SURF4: variants seen among roughly 807,000 people sequenced by gnomAD.
SURF4 encodes the protein surfeit locus protein 4.
SURF4 carries 3 observed loss-of-function variants against 30.0 expected under a neutral mutation model. The ratio of observed to expected loss-of-function variants is 0.10; its 90% CI spans 0.05 to 0.26. The LOEUF (loss-of-function observed/expected upper bound fraction) is 0.26. Ranked by LOEUF, SURF4 falls within the 10% of genes least tolerant of loss-of-function variation. SURF4 has a pLI of 1.00. For synonymous variants in SURF4, 143 were observed against 139.9 expected, an observed-to-expected ratio of 1.02 and a Z score of -0.16; for missense variants, 217 against 350.8, an observed-to-expected ratio of 0.62 and a Z score of 3.05.
At chr9:133,364,677 C>A (rs28410930) in intron 5 of SURF4, among the ~76,000 whole-genome samples, 163 bp downstream of exon 5, 1 of 141,092 alleles carries the variant, frequency 7.1e-6, no homozygotes, top group Non-Finnish European at 1.5e-5. Context: ...GGGGACAGAG[C>A]GAGACTCCGT....
chr9:133,371,597 C>G (rs1160292712), intron 1 of SURF4, among the ~76,000 whole-genome samples: 1 of 152,360 alleles, frequency 6.6e-6, no homozygotes, highest in East Asian at 1.9e-4. Flanking sequence ...CCGCACTCCC[C>G]TGAAGAGTGA....
chr9:133,372,211 G>A lies in SURF4; in HGVS notation c.48+3711C>T, dbSNP rs140978600. On this transcript the variant is annotated intron_variant, in intron 1 of 5. Transcript: ENST00000371989. ...TGGGAGCAAGAGGACACTGTCCCTG[G>A]CTGCCAGAGCAAGCAGCTTGATGCC... 2.0e-3 allele frequency among the ~76,000 whole-genome samples: 312 copies of A among 152,350 alleles called. 1 individual carries two copies. Among genetic ancestry groups the A allele is most frequent in the African/African-American group, 7.2e-3 (298 of 41,574 alleles).
chr9:133,374,846 T>A (rs2130229895), intron 1 of SURF4, among the ~76,000 whole-genome samples: 2 of 151,870 alleles, frequency 1.3e-5, no homozygotes, highest in Non-Finnish European at 2.9e-5. Context: ...TTCCGATAAG[T>A]CTAGGCCTCA....
intron 5 of SURF4, 126 bp downstream of exon 5, chr9:133,364,714 C>T: frequency 3.7e-6 from 3 of 801,276 alleles, no homozygotes; most frequent in Non-Finnish European, 3.8e-6. Flanking sequence ...AAAAAGTTTG[C>T]TCCATTTCAG....
intron 4 of SURF4, among the ~76,000 whole-genome samples, 182 bp downstream of exon 4, chr9:133,365,803 T>C (rs1837136318): frequency 1.3e-5 from 2 of 152,228 alleles, no homozygotes; most frequent in South Asian, 4.1e-4. Context: ...TTGCATTATA[T>C]ACTTATTGGC....
At chr9:133,369,972 G>C (rs2130175328) in intron 1 of SURF4, among the ~76,000 whole-genome samples, 9 of 152,352 alleles carry the variant, frequency 5.9e-5, no homozygotes, top group Middle Eastern at 6.8e-3. Context: ...AACAGCAGCA[G>C]AGAGGTAGAC....
intron 1 of SURF4, chr9:133,370,907 C>A (rs2130184376): frequency 0.14 from 178,771 of 1,289,626 alleles, 14,274 homozygotes; most frequent in Admixed American, 0.27. Flanking sequence ...TAAGTCTCTC[C>A]GAGAACCGCG....
In SURF4 at chr9:133,366,620, G is replaced by T; in HGVS notation, c.291C>A (p.Leu97=). 6.2e-7 allele frequency: 1 copy of T among 1,614,006 alleles called. No individual in the cohort carries two copies. Among genetic ancestry groups the T allele is most frequent in the Non-Finnish European group, 8.5e-7 (1 of 1,180,010 alleles). The change falls in exon 3 of 6, where the codon CTC becomes CTA. Residue 97 remains leucine, a synonymous_variant. Coordinates refer to ENST00000371989, the MANE Select transcript of SURF4 (RefSeq NM_033161.4). Reference sequence around the variant, plus strand: ...GTACCTGCAGAGCTATGATTCCAAAGAGCCCGAAGCAGGCGTACTGCACGA... The same window carrying T: ...GTACCTGCAGAGCTATGATTCCAAATAGCCCGAAGCAGGCGTACTGCACGA... ...RNFVQYACFG[L]FGIIALQTIA...
chr9:133,365,124 G>T (rs1007408411), intron 4 of SURF4, 98 bp from the exon 5 acceptor site: 2 of 1,175,062 alleles, frequency 1.7e-6, no homozygotes, highest in African/African-American at 1.6e-5. Context: ...GTATAAGAAG[G>T]CCCTTACTTC....
chr9:133,374,419 G>A (rs1483332822), intron 1 of SURF4, among the ~76,000 whole-genome samples: 1 of 151,946 alleles, frequency 6.6e-6, no homozygotes, highest in African/African-American at 2.4e-5. Context: ...AAATTGGCTG[G>A]GTGTGACGGT....
chr9:133,374,246 T>C (rs932469047), intron 1 of SURF4, among the ~76,000 whole-genome samples: 6 of 152,094 alleles, frequency 3.9e-5, no homozygotes. Context: ...TTGATATGAA[T>C]TGTTTTTAAA....
chr9:133,365,914 T>A (rs1418453864), intron 4 of SURF4, 71 bp downstream of exon 4: 2 of 1,500,160 alleles, frequency 1.3e-6, no homozygotes, highest in Admixed American at 3.4e-5. Context: ...TTTGGAGCAT[T>A]TCAGACTTTG....
chr9:133,364,083 C>T (rs1418157242), intron 5 of SURF4, among the ~76,000 whole-genome samples: 1 of 152,216 alleles, frequency 6.6e-6, no homozygotes, highest in Non-Finnish European at 1.5e-5. Flanking sequence ...AGGCCAGAAA[C>T]ATCCTCTCTC....
chr9:133,363,169 C>CT lies in SURF4; in HGVS notation c.*323dup, dbSNP rs1306860905. 5.2e-6 allele frequency: 3 copies of CT among 579,320 alleles called. No individual in the cohort carries two copies. In the Admixed American group the frequency reaches 9.0e-5, roughly 17 times the overall value. The allele number at this position is 579,320 out of a possible 1,614,324, so 35.9% of individuals were successfully genotyped here. Reference sequence around the variant, plus strand: ...CACAGTACAGCTTGAAGGCCCCCTCCTGTACCCCCACAAAAAAACTCAAAA... The same window carrying CT: ...CACAGTACAGCTTGAAGGCCCCCTCCTTGTACCCCCACAAAAAAACTCAAAA... On this transcript the variant is annotated 3_prime_UTR_variant, in exon 6 of 6. Coordinates refer to ENST00000371989, the MANE Select transcript of SURF4 (RefSeq NM_033161.4). The surrounding 1 kb of genome is among the most constrained non-coding windows in gnomAD (Gnocchi z 4.3).
At chr9:133,377,909 G>A (rs2130255986), upstream of SURF4, among the ~76,000 whole-genome samples, 6 of 152,244 alleles carry the variant, frequency 3.9e-5, no homozygotes, top group South Asian at 2.1e-4. Context: ...CCATCCTCTC[G>A]GGATGATGGG....
rs2130094309 is a variant in SURF4, at chr9:133,363,842, G to T, written c.544-83C>A. 5.9e-6 allele frequency: 9 copies of T among 1,527,264 alleles called. No homozygotes were observed. Among genetic ancestry groups the T allele is most frequent in the African/African-American group, 1.4e-5 (1 of 72,884 alleles). The allele number at this position is 1,527,264 out of a possible 1,614,324, so 94.6% of individuals were successfully genotyped here. A position where few individuals can be genotyped will look rare whatever the true frequency, so the allele number is the denominator to read the frequency against. ...TAAACAAAAGTTCCAGCTGCTGCAC[G>T]TCATGAAGTCTCTATCCATCAGGCT... On this transcript the variant is annotated intron_variant, in intron 5 of 5. Transcript: ENST00000371989. The surrounding 1 kb of genome is among the most constrained non-coding windows in gnomAD (Gnocchi z 4.3).
rs1837907487 is a variant in SURF4 at position 133,376,041 on chromosome 9, C to G, written c.-72G>C. Reference sequence around the variant, plus strand: ...TCTCGCCCGTCGGCGCCCGCACCCGCTGCGGCCTCCACAGGAAGTGCCCGG... The same window carrying G: ...TCTCGCCCGTCGGCGCCCGCACCCGGTGCGGCCTCCACAGGAAGTGCCCGG... On this transcript the variant is annotated 5_prime_UTR_variant, in exon 1 of 6. Coordinates refer to ENST00000371989, the MANE Select transcript of SURF4 (RefSeq NM_033161.4). The G allele has an allele frequency of 3.3e-6, 4 of 1,213,254 alleles. No individual in the cohort carries two copies. In the South Asian group the frequency reaches 1.6e-4, roughly 50 times the overall value. The allele number at this position is 1,213,254 out of a possible 1,614,324, so 75.2% of individuals were successfully genotyped here.
At chr9:133,374,688 G>A (rs1450928099) in intron 1 of SURF4, among the ~76,000 whole-genome samples, 2 of 152,124 alleles carry the variant, frequency 1.3e-5, no homozygotes, top group Non-Finnish European at 2.9e-5. Flanking sequence ...TTAAAATATT[G>A]GCTCACAGAA....
intron 1 of SURF4, among the ~76,000 whole-genome samples, chr9:133,367,786 G>A (rs1837267014): frequency 6.6e-6 from 1 of 152,248 alleles, no homozygotes; most frequent in Admixed American, 6.5e-5. Flanking sequence ...GTCTTCCAAG[G>A]TGGCACTGCC....
Sources: allele counts gnomAD v4.1 joint callset (sites outside exome capture counted in the v4.1 genomes callset), GRCh38; gene constraint gnomAD v4.1.1; non-coding constraint Gnocchi (gnomAD v3.1); transcripts MANE v1.5; gene names NCBI Gene and HGNC (gene_info 2026-07-23, HGNC 2026-07-21).